Variants in IFI16 observed in about 807,000 individuals in gnomAD.
IFI16 encodes the protein interferon gamma inducible protein 16, also known as gamma-interferon-inducible protein 16.
IFI16 carries 49 observed loss-of-function variants against 68.4 expected under a neutral mutation model. That is an observed-to-expected ratio of 0.72 (90% CI 0.57 to 0.91). The LOEUF is 0.91. IFI16 is among the 40% of genes least tolerant of loss of function. IFI16 has a pLI of 0.00. For missense variants in IFI16, 878 were observed against 942.9 expected, an observed-to-expected ratio of 0.93 and a Z score of 0.90; for synonymous variants, 307 against 315.0, an observed-to-expected ratio of 0.97 and a Z score of 0.27.
intron 4 of IFI16, among the ~76,000 whole-genome samples, chr1:159,017,707 A>G (rs1018074213): frequency 2.6e-5 from 4 of 152,052 alleles, no homozygotes; most frequent in African/African-American, 9.7e-5. Context: ...TCCCGGGTTC[A>G]AGTGATTCTC....
At chr1:159,018,771 A>G in intron 5 of IFI16, 120 bp downstream of exon 5, 1 of 710,506 alleles carries the variant, frequency 1.4e-6, no homozygotes, top group South Asian at 1.9e-5. Context: ...TCTGAAGACT[A>G]ATGACAGGTG....
At chr1:159,028,114 A>G (rs1330889243) in intron 6 of IFI16, among the ~76,000 whole-genome samples, 6 of 151,892 alleles carry the variant, frequency 4.0e-5, no homozygotes, top group South Asian at 2.1e-4. Flanking sequence ...TAGATTATCT[A>G]TTTGTACTCT....
At chr1:159,003,464 G>A (rs1314678647), upstream of IFI16, among the ~76,000 whole-genome samples, 1 of 152,018 alleles carries the variant, frequency 6.6e-6, no homozygotes, top group South Asian at 2.1e-4. Flanking sequence ...AAAGGAGCTC[G>A]ATCTCTGTTA....
In IFI16 at chr1:159,032,531, A is replaced by G. The variant is rs1654061022; in HGVS notation, c.1169A>G (p.Lys390Arg). 3 of 1,576,154 alleles carry G rather than the reference A, an allele frequency of 1.9e-6. No individual in the cohort carries two copies. The South Asian group carries it at 3.5e-5, about 19-fold the overall frequency. ...GAAAATGAATACTTTCAGATAAAGA[A>G]AAAAACAAACCCGAGAAACAATGAC... is the stretch of plus-strand genomic sequence containing the variant. The part of the protein sequence containing the change: ...SEMHSFIQIK[K>R]KTNPRNNDPK... Residue 390 changes from lysine (K) to arginine (R), a missense_variant, in exon 7 of 12, where the codon AAA (lysine) becomes AGA (arginine). By Grantham distance (26) the Lys-to-Arg change is conservative. Transcript: ENST00000295809.
upstream of IFI16, among the ~76,000 whole-genome samples, chr1:159,004,426 C>T (rs557412247): frequency 2.0e-4 from 30 of 150,894 alleles, no homozygotes; most frequent in African/African-American, 7.1e-4. Context: ...CAAAACCAGC[C>T]GGGCATCGTG....
chr1:159,016,819 A>G, intron 4 of IFI16, 119 bp downstream of exon 4: 3 of 852,686 alleles, frequency 3.5e-6, no homozygotes, highest in Non-Finnish European at 5.6e-6. Context: ...GTACATATTG[A>G]GAAACCACTA....
At chr1:159,014,131 G>A (rs1652768107) in intron 1 of IFI16, among the ~76,000 whole-genome samples, 1 of 152,202 alleles carries the variant, frequency 6.6e-6, no homozygotes, top group African/African-American at 2.4e-5. Context: ...CACCAAAGAA[G>A]GGAGGATGCT....
rs149145965 is a variant in IFI16 at position 159,016,560 on chromosome 1, G to T, written c.409G>T (p.Ala137Ser). 1.4e-5 allele frequency: 22 copies of T among 1,609,880 alleles called. 1 individual carries two copies. In the African/African-American group the frequency reaches 1.6e-4, roughly 12 times the overall value. Residue 137 changes from alanine (A) to serine (S), a missense_variant, in exon 4 of 12, where the codon GCT becomes TCT. Physicochemically the swap from Ala to Ser is moderately conservative, Grantham distance 99. Around this residue, in one of 4 missense-constraint regions of IFI16, gnomAD observed 443 missense variants for 421.8 expected, o/e 1.05. Coordinates refer to ENST00000295809, the MANE Select transcript of IFI16 (RefSeq NM_001376587.1). ...AAGAAAAAAATCAACCAAAGAAAAG[G>T]CTGGACCCAAAGGGAGTAAGGTGTC... Reference protein sequence around the residue: ...QKRKKSTKEKAGPKGSKVSEE... With the variant: ...QKRKKSTKEKSGPKGSKVSEE...
chr1:159,017,128 G>A (rs1159200178), intron 4 of IFI16, among the ~76,000 whole-genome samples: 6 of 152,124 alleles, frequency 3.9e-5, no homozygotes, highest in African/African-American at 1.2e-4. Context: ...CTGTTCTATC[G>A]CAGTTTAAGG....
chr1:159,000,249 G>C, exon 1 of IFI16: 1 of 259,080 alleles, frequency 3.9e-6, no homozygotes, highest in East Asian at 8.5e-5. Flanking sequence ...AACCTATCCA[G>C]TTCCTCATCG....
intron 6 of IFI16, among the ~76,000 whole-genome samples, chr1:159,026,999 T>A (rs1653710860): frequency 1.3e-5 from 2 of 152,184 alleles, no homozygotes; most frequent in African/African-American, 4.8e-5. Flanking sequence ...GACTTCCTCT[T>A]TGCCGATTTG....
chr1:159,026,225 T>G (rs7540687), intron 6 of IFI16, among the ~76,000 whole-genome samples: 49,461 of 151,560 alleles, frequency 0.33, 11,312 homozygotes, highest in African/African-American at 0.65. Flanking sequence ...AAGAATGATG[T>G]TGGTATTTGG....
chr1:159,018,509 C>G lies in IFI16; in HGVS notation c.830C>G (p.Ser277Cys), dbSNP rs1369556744. ...YDSLLEVNEE[S>C]TVSEAGPNQT... ...AGTCTCCTAGAGGTCAATGAAGAAT[C>G]TACTGTATCTGAAGCTGGTCCTAAC... Residue 277 changes from serine to cysteine, a missense_variant, in exon 5 of 12, where the codon TCT becomes TGT. Transcript: ENST00000295809. 6.2e-7 allele frequency: 1 copy of G among 1,613,938 alleles called. No homozygotes were observed.
intron 1 of IFI16, among the ~76,000 whole-genome samples, chr1:159,012,582 C>A (rs983926417): frequency 2.0e-5 from 3 of 152,172 alleles, no homozygotes; most frequent in Non-Finnish European, 4.4e-5. Context: ...CTCAGTGCCA[C>A]AAAGAAAAAC....
intron 7 of IFI16, among the ~76,000 whole-genome samples, chr1:159,044,689 T>TAA (rs763320810): frequency 2.8e-4 from 42 of 152,284 alleles, no homozygotes; most frequent in Non-Finnish European, 5.7e-4. Flanking sequence ...AAAATATAGC[T>TAA]AATGGGAATG....
intron 6 of IFI16, among the ~76,000 whole-genome samples, chr1:159,021,241 C>T (rs758560890): frequency 4.6e-5 from 7 of 151,888 alleles, no homozygotes; most frequent in Non-Finnish European, 1.0e-4. Flanking sequence ...CATTTTATCC[C>T]TCACCCCCCT....
intron 7 of IFI16, among the ~76,000 whole-genome samples, chr1:159,039,890 C>T (rs1240008792): frequency 6.6e-6 from 1 of 152,226 alleles, no homozygotes; most frequent in East Asian, 1.9e-4. Context: ...TATTATCATC[C>T]TTTGTGCCTC....
At chr1:159,050,515 G>C (rs1398440421) in intron 9 of IFI16, among the ~76,000 whole-genome samples, 5 of 152,186 alleles carry the variant, frequency 3.3e-5, no homozygotes, top group African/African-American at 4.8e-5. Context: ...GTTCATTAGA[G>C]TTAAGTCCAT....
At position 159,051,996 on chromosome 1, in the gene IFI16, C is replaced by T. The variant is rs1655393495; in HGVS notation, c.1983C>T (p.Ile661=). ...TGAATGCTGACCGAAACATGGAGAT[C>T]CCAAAAGGATTGATTAGAAGTGCCA... ...ADVNADRNME[I]PKGLIRSASV... is the part of the protein sequence containing the mutation. The change falls in exon 10 of 12, where the codon ATC becomes ATT. Residue 661 remains isoleucine (I), a synonymous_variant. Coordinates refer to ENST00000295809, the MANE Select transcript of IFI16 (RefSeq NM_001376587.1). 6.2e-7 allele frequency: 1 copy of T among 1,613,842 alleles called. No homozygotes were observed. The highest frequency in any genetic ancestry group is 1.7e-5 in the Admixed American group (1 of 60,002).
Sources: allele counts gnomAD v4.1 joint callset (sites outside exome capture counted in the v4.1 genomes callset), GRCh38; gene constraint gnomAD v4.1.1; regional missense constraint gnomAD v4.1.1; transcripts MANE v1.5; gene names NCBI Gene and HGNC (gene_info 2026-07-23, HGNC 2026-07-21).